UAP1: variants seen among roughly 807,000 people sequenced by gnomAD.
UAP1 encodes UDP-N-acetylglucosamine pyrophosphorylase 1.
In UAP1, 25 loss-of-function variants were observed where a neutral mutation model predicts 58.5. The ratio of observed to expected loss-of-function variants is 0.43; its 90% CI spans 0.31 to 0.60. UAP1 has a LOEUF of 0.60. Among genes scored for constraint, UAP1 ranks in the 20% least tolerant of loss-of-function variants. The pLI is 0.11. For missense variants in UAP1, 575 were observed against 630.0 expected (o/e 0.91, Z 0.93); for synonymous variants, 208 against 213.0 (o/e 0.98, Z 0.21).
At chr1:162,586,451 C>T (rs1654909192) in intron 5 of UAP1, among the ~76,000 whole-genome samples, 1 of 152,056 alleles carries the variant, frequency 6.6e-6, no homozygotes, top group African/African-American at 2.4e-5. Flanking sequence ...CCTCAGTCTC[C>T]CTAGTAGCTG....
intron 3 of UAP1, among the ~76,000 whole-genome samples, chr1:162,577,729 A>G (rs1331330008): frequency 6.6e-6 from 1 of 151,862 alleles, no homozygotes; most frequent in East Asian, 1.9e-4. Flanking sequence ...CTCCTGCCTC[A>G]GCCTCCTGAG....
exon 2 of UAP1, chr1:162,566,220 A>G: frequency 6.2e-7 from 1 of 1,614,152 alleles, no homozygotes; most frequent in East Asian, 2.2e-5. Context: ...TTTTTCCAAA[A>G]GGCCATTGAA....
At chr1:162,577,584 G>A (rs544080640) in intron 3 of UAP1, among the ~76,000 whole-genome samples, 2 of 150,778 alleles carry the variant, frequency 1.3e-5, no homozygotes, top group South Asian at 2.1e-4. Context: ...CAGTAGCTGG[G>A]AATACAGGCA....
chr1:162,583,588 T>C (rs1455812450), intron 5 of UAP1, among the ~76,000 whole-genome samples: 4 of 152,282 alleles, frequency 2.6e-5, no homozygotes, highest in South Asian at 4.1e-4. Context: ...ACCCCTTTGA[T>C]CTCAGAAATG....
At chr1:162,601,079 G>A (rs1571104340), downstream of UAP1, among the ~76,000 whole-genome samples, 1 of 152,196 alleles carries the variant, frequency 6.6e-6, no homozygotes, top group East Asian at 1.9e-4. Context: ...ACATTGGGTA[G>A]TTAAGAGCAA....
intron 3 of UAP1, among the ~76,000 whole-genome samples, chr1:162,577,369 C>T (rs2101771042): frequency 6.6e-6 from 1 of 151,406 alleles, no homozygotes; most frequent in Non-Finnish European, 1.5e-5. Flanking sequence ...GTGTCCTCAG[C>T]CTCTACTAGT....
rs907434959 is a variant in UAP1, at chr1:162,591,372, A to C, written c.1358+861A>C. 2.0e-5 allele frequency among the ~76,000 whole-genome samples: 3 copies of C among 152,330 alleles called. No homozygotes were observed. In the East Asian group the frequency reaches 5.8e-4, roughly 29 times the overall value. ...GGTGTCTAGAAGAGAAGTAAATGTC[A>C]GTTACATTCACTGATACTTAGAAAT... is the stretch of plus-strand genomic sequence containing the variant. On this transcript the variant is annotated intron_variant, in intron 8 of 10. Coordinates refer to ENST00000271469, the Ensembl canonical transcript of UAP1.
Position 162,579,543 on chromosome 1 carries a change from G to A in UAP1, c.601G>A (p.Ala201Thr), listed in dbSNP as rs762856368. 3.1e-6 allele frequency: 5 copies of A among 1,608,844 alleles called. No individual in the cohort carries two copies. In the South Asian group the frequency reaches 3.3e-5, roughly 11 times the overall value. Residue 201 changes from alanine to threonine, a missense_variant, in exon 4 of 11, where the codon GCC (alanine) becomes ACC (threonine). Ala to Thr is a moderately conservative substitution (Grantham distance 58). Coordinates refer to ENST00000271469, the Ensembl canonical transcript of UAP1. ...CTTTTTTCAGCAAGGAATGCTCCCCGCCATGAGTTTTGATGGGAAAATTAT... is the reference window on the plus strand; with the variant it reads ...CTTTTTTCAGCAAGGAATGCTCCCCACCATGAGTTTTGATGGGAAAATTAT...
At chr1:162,599,587 A>AT (rs1655818145) in exon 11 of UAP1, 1 of 343,304 alleles carries the variant, frequency 2.9e-6, no homozygotes, top group Non-Finnish European at 5.3e-6. Context: ...TATTTATATA[A>AT]TTTTTTCCAA....
chr1:162,599,316 A>G (rs1389951661), exon 11 of UAP1: 1 of 1,612,552 alleles, frequency 6.2e-7, no homozygotes, highest in Non-Finnish European at 8.5e-7. Flanking sequence ...TGCACCTCTA[A>G]TCATCGATGA....
At chr1:162,579,544 C>T in exon 4 of UAP1, 2 of 1,609,196 alleles carry the variant, frequency 1.2e-6, no homozygotes, top group South Asian at 2.2e-5. Context: ...ATGCTCCCCG[C>T]CATGAGTTTT....
Position 162,592,715 on chromosome 1 carries a change from T to C in UAP1, c.1359-17T>C, listed in dbSNP as rs1655391036. On this transcript the variant is annotated splice_polypyrimidine_tract_variant and intron_variant, in intron 8 of 10. Transcript: ENST00000271469. ...ATTTGCTTCCATTCCCATTAATCCT[T>C]ATTTATTCCCACATAGCAGTGCTAC... is the stretch of plus-strand genomic sequence containing the variant. 6.5e-7 allele frequency: 1 copy of C among 1,541,078 alleles called. No individual in the cohort carries two copies. The highest frequency in any genetic ancestry group is 1.4e-5 in the African/African-American group (1 of 72,940).
chr1:162,597,756 G>A (rs1446374244), intron 9 of UAP1, 36 bp from the exon 10 acceptor site: 1 of 1,582,366 alleles, frequency 6.3e-7, no homozygotes, highest in East Asian at 2.2e-5. Flanking sequence ...AACATGGGAA[G>A]CAAAGTCTTT....
chr1:162,576,828 G>A, exon 3 of UAP1: 1 of 1,614,104 alleles, frequency 6.2e-7, no homozygotes, highest in Non-Finnish European at 8.5e-7. Context: ...CTAGCTGGTG[G>A]GCAGGGGACA....
At chr1:162,579,307 G>C in intron 3 of UAP1, 121 bp from the exon 4 acceptor site, 1 of 664,594 alleles carries the variant, frequency 1.5e-6, no homozygotes, top group Admixed American at 3.8e-5. Flanking sequence ...AAATATGAAG[G>C]AAGTCAAAAT....
At chr1:162,587,614 C>A (rs916689662) in exon 6 of UAP1, 19 of 1,613,864 alleles carry the variant, frequency 1.2e-5, no homozygotes, top group Admixed American at 5.0e-5. Flanking sequence ...CTGTTCAATG[C>A]GGGGAACATT....
chr1:162,586,365 A>G (rs1654901808), intron 5 of UAP1, among the ~76,000 whole-genome samples: 1 of 152,180 alleles, frequency 6.6e-6, no homozygotes, highest in South Asian at 2.1e-4. Flanking sequence ...TCTGTTGCCC[A>G]GGCTCGAGTG....
chr1:162,583,262 C>T (rs143089027), intron 5 of UAP1, among the ~76,000 whole-genome samples: 9,003 of 146,328 alleles, frequency 0.062, 316 homozygotes, highest in East Asian at 0.11. Context: ...AAGCAATTCT[C>T]CTGCCTCAGC....
exon 2 of UAP1, chr1:162,566,024 A>G (rs1557962777): frequency 2.5e-6 from 4 of 1,576,358 alleles, no homozygotes; most frequent in Non-Finnish European, 2.6e-6. Flanking sequence ...TTACAGGTAC[A>G]TACATTACAC....
Sources: gnomAD v4.1 joint callset for allele counts (sites outside exome capture counted in the v4.1 genomes callset) on GRCh38, gnomAD v4.1.1 for gene constraint, MANE v1.5 for transcripts, NCBI Gene and HGNC (gene_info 2026-07-23, HGNC 2026-07-21) for gene names.